CTNNA3: variants seen among roughly 807,000 people sequenced by gnomAD.
CTNNA3 encodes the protein catenin alpha-3.
A neutral mutation model predicts 95.7 loss-of-function variants in CTNNA3; 76 were observed. The observed-to-expected ratio is 0.79, with a 90% confidence interval of 0.66 to 0.96. The LOEUF (loss-of-function observed/expected upper bound fraction) is 0.96, where lower values mean the gene tolerates loss of function less well. CTNNA3 is among the 40% of genes least tolerant of loss of function. The probability of loss-of-function intolerance (pLI) is 0.00; values close to 1 mark genes in which losing one functional copy is unlikely to be tolerated. For synonymous variants in CTNNA3, 431 were observed against 374.4 expected (o/e 1.15, Z -1.74); for missense variants, 1,191 against 1,089.8 (o/e 1.09, Z -1.31).
intron 5 of CTNNA3, among the ~76,000 whole-genome samples, chr10:67,451,730 T>C (rs895726689): frequency 6.6e-6 from 1 of 152,180 alleles, no homozygotes; most frequent in African/African-American, 2.4e-5. Flanking sequence ...TGCTGCATCT[T>C]CTGTTCTAAC....
chr10:67,040,931 T>A (rs1191760478), intron 7 of CTNNA3, among the ~76,000 whole-genome samples: 1 of 152,100 alleles, frequency 6.6e-6, no homozygotes, highest in Non-Finnish European at 1.5e-5. Flanking sequence ...GAGCTTGCAA[T>A]CCTTTTTAAG....
At chr10:66,876,017 A>C (rs1317063218) in intron 7 of CTNNA3, among the ~76,000 whole-genome samples, 2 of 152,156 alleles carry the variant, frequency 1.3e-5, no homozygotes, top group African/African-American at 2.4e-5. Flanking sequence ...TGTTTAAGAA[A>C]AATTGAGACC....
chr10:66,262,541 T>C (rs2091036524), intron 13 of CTNNA3, among the ~76,000 whole-genome samples: 1 of 151,926 alleles, frequency 6.6e-6, no homozygotes, highest in African/African-American at 2.4e-5. Context: ...TGTAAAATTA[T>C]AAAAATCAAA....
chr10:66,163,369 A>T (rs2084952876), intron 13 of CTNNA3, among the ~76,000 whole-genome samples: 1 of 151,894 alleles, frequency 6.6e-6, no homozygotes. Flanking sequence ...GGACCCAGTG[A>T]GCTCCCAGGG....
chr10:66,606,306 C>A (rs1231071211), intron 10 of CTNNA3, among the ~76,000 whole-genome samples: 1 of 152,060 alleles, frequency 6.6e-6, no homozygotes, highest in Admixed American at 6.5e-5. Context: ...ATCTTAGGCT[C>A]CCACACAATA....
intron 7 of CTNNA3, among the ~76,000 whole-genome samples, chr10:67,160,484 C>T (rs1483204052): frequency 7.3e-6 from 1 of 136,356 alleles, no homozygotes; most frequent in Admixed American, 8.1e-5. Context: ...GTCCCCCGGG[C>T]TGGAGTGCAG....
intron 9 of CTNNA3, among the ~76,000 whole-genome samples, chr10:66,686,784 A>C (rs892155401): frequency 6.6e-6 from 1 of 152,186 alleles, no homozygotes; most frequent in Non-Finnish European, 1.5e-5. Flanking sequence ...AGAGAAACCA[A>C]ATAAGGACAA....
chr10:66,268,539 T>C (rs994790188), intron 13 of CTNNA3, among the ~76,000 whole-genome samples: 1 of 152,158 alleles, frequency 6.6e-6, no homozygotes, highest in Non-Finnish European at 1.5e-5. Flanking sequence ...CTGTACCCTT[T>C]CTAAATTCCT....
chr10:66,110,831 G>T (rs1333408782), intron 13 of CTNNA3, among the ~76,000 whole-genome samples: 1 of 152,134 alleles, frequency 6.6e-6, no homozygotes, highest in Non-Finnish European at 1.5e-5. Flanking sequence ...GTATCATAGA[G>T]TATATTTAAA....
intron 9 of CTNNA3, among the ~76,000 whole-genome samples, chr10:66,645,301 T>C (rs1259943235): frequency 2.0e-5 from 3 of 152,134 alleles, no homozygotes; most frequent in African/African-American, 7.2e-5. Context: ...TATTTTTTCC[T>C]ATTTTGTTCT....
At chr10:67,149,204 T>C (rs1009192314) in intron 7 of CTNNA3, among the ~76,000 whole-genome samples, 3 of 152,218 alleles carry the variant, frequency 2.0e-5, no homozygotes, top group Non-Finnish European at 4.4e-5. Context: ...ACTCATCTAC[T>C]ACTACTACTA....
At chr10:66,682,560 C>A (rs1847103409) in intron 9 of CTNNA3, among the ~76,000 whole-genome samples, 1 of 151,654 alleles carries the variant, frequency 6.6e-6, no homozygotes, top group Admixed American at 6.6e-5. Flanking sequence ...AAATTATTTT[C>A]TCAGGAGATT....
At position 67,029,134 on chromosome 10, in the gene CTNNA3, A is replaced by T. The variant is rs551174116; in HGVS notation, c.1047+151183T>A. ...TCTTTATGTCTCTCTACTGTTCAGCATAATCACCTCTTTTATTAGCTGATG... is the reference window on the plus strand; with the variant it reads ...TCTTTATGTCTCTCTACTGTTCAGCTTAATCACCTCTTTTATTAGCTGATG... On this transcript the variant is annotated intron_variant, in intron 7 of 17. Coordinates refer to ENST00000433211, the MANE Select transcript of CTNNA3 (RefSeq NM_013266.4). Among the ~76,000 whole-genome samples, 24 of 152,344 alleles carry T rather than the reference A, an allele frequency of 1.6e-4. 1 individual carries two copies. In the South Asian group the frequency reaches 3.9e-3, roughly 25 times the overall value.
chr10:66,258,310 C>G (rs1485613929), intron 13 of CTNNA3, among the ~76,000 whole-genome samples: 1 of 152,146 alleles, frequency 6.6e-6, no homozygotes, highest in East Asian at 1.9e-4. Flanking sequence ...TTATTTTAAC[C>G]CTTGGTACAA....
intron 7 of CTNNA3, among the ~76,000 whole-genome samples, chr10:67,089,754 G>GT (rs1409692016): frequency 7.4e-5 from 6 of 80,642 alleles, no homozygotes; most frequent in Non-Finnish European, 1.7e-4. Flanking sequence ...TGTGTGTGTG[G>GT]ACAGAAACAC....
At chr10:66,303,767 G>A (rs1194177042) in intron 12 of CTNNA3, among the ~76,000 whole-genome samples, 1 of 152,026 alleles carries the variant, frequency 6.6e-6, no homozygotes, top group East Asian at 1.9e-4. Context: ...CTAATTTTTT[G>A]TATTTTTAGT....
At chr10:67,738,890 G>C (rs1841318358) in intron 1 of CTNNA3, among the ~76,000 whole-genome samples, 1 of 152,044 alleles carries the variant, frequency 6.6e-6, no homozygotes, top group Non-Finnish European at 1.5e-5. Context: ...GAAGTTTAGA[G>C]AAAAAAGAAT....
At chr10:66,788,226 C>T (rs1249611068) in intron 7 of CTNNA3, among the ~76,000 whole-genome samples, 1 of 151,990 alleles carries the variant, frequency 6.6e-6, no homozygotes, top group African/African-American at 2.4e-5. Flanking sequence ...GTCAACGTTC[C>T]CCCTCACTGA....
intron 15 of CTNNA3, among the ~76,000 whole-genome samples, chr10:66,036,593 C>T (rs1404222172): frequency 2.0e-5 from 3 of 151,972 alleles, no homozygotes; most frequent in Non-Finnish European, 4.4e-5. Context: ...CCAGGCTGGA[C>T]TCAAACTCCT....
Sources: gnomAD v4.1 joint callset for allele counts (sites outside exome capture counted in the v4.1 genomes callset) on GRCh38, gnomAD v4.1.1 for gene constraint, MANE v1.5 for transcripts, NCBI Gene and HGNC (gene_info 2026-07-23, HGNC 2026-07-21) for gene names.